Variants in SUCLG2 observed in about 807,000 individuals in gnomAD.
The protein encoded by SUCLG2 is succinate--CoA ligase [GDP-forming] subunit beta, mitochondrial.
Under a neutral mutation model 47.9 loss-of-function variants are expected in SUCLG2, and 42 were observed. The observed-to-expected ratio is 0.88, with a 90% CI of 0.69 to 1.14. SUCLG2 has a LOEUF of 1.14. Among genes scored for constraint, SUCLG2 ranks in the 50% most tolerant of loss-of-function variants. SUCLG2 has a pLI of 0.00. For missense variants in SUCLG2, 571 were observed against 525.9 expected, an observed-to-expected ratio of 1.09 and a Z score of -0.84; for synonymous variants, 195 against 197.3, an observed-to-expected ratio of 0.99 and a Z score of 0.10.
At chr3:67,546,608 G>A (rs1428123873) in intron 2 of SUCLG2, among the ~76,000 whole-genome samples, 5 of 152,154 alleles carry the variant, frequency 3.3e-5, no homozygotes, top group African/African-American at 9.7e-5. Flanking sequence ...GGTAGCACAC[G>A]CCTATAATCC....
At chr3:67,503,432 C>T (rs921134123) in intron 7 of SUCLG2, among the ~76,000 whole-genome samples, 4 of 152,180 alleles carry the variant, frequency 2.6e-5, no homozygotes, top group Admixed American at 6.5e-5. Flanking sequence ...TCCTGTAAGA[C>T]GCTTCTAAAT....
At chr3:67,464,717 T>C (rs7612528) in intron 9 of SUCLG2, among the ~76,000 whole-genome samples, 9,721 of 152,336 alleles carry the variant, frequency 0.064, 519 homozygotes, top group African/African-American at 0.14. Context: ...TATTTGTTTT[T>C]CTCTAAAAGT....
chr3:67,588,138 T>C (rs1019856913), intron 2 of SUCLG2, among the ~76,000 whole-genome samples: 1 of 152,170 alleles, frequency 6.6e-6, no homozygotes, highest in Non-Finnish European at 1.5e-5. Context: ...AATGAAAATA[T>C]CATGCAGCTG....
At chr3:67,361,409 A>G (rs1249755047) in intron 10 of SUCLG2, among the ~76,000 whole-genome samples, 1 of 152,216 alleles carries the variant, frequency 6.6e-6, no homozygotes, top group African/African-American at 2.4e-5. Flanking sequence ...GAAACTGTGA[A>G]TCATGAGCAC....
chr3:67,590,921 T>C (rs1708144020), intron 2 of SUCLG2, among the ~76,000 whole-genome samples: 2 of 152,132 alleles, frequency 1.3e-5, no homozygotes, highest in African/African-American at 4.8e-5. Context: ...GAGAGAGTTC[T>C]TTAACAAAAA....
chr3:67,595,967 G>C (rs957335615), intron 2 of SUCLG2, among the ~76,000 whole-genome samples: 1 of 152,216 alleles, frequency 6.6e-6, no homozygotes, highest in African/African-American at 2.4e-5. Context: ...TAAGACATCA[G>C]GATGGCAGAT....
chr3:67,541,717 G>T (rs1471759881), intron 2 of SUCLG2, among the ~76,000 whole-genome samples: 1 of 152,178 alleles, frequency 6.6e-6, no homozygotes, highest in African/African-American at 2.4e-5. Context: ...ATAATTGTCA[G>T]ATTCACCAAG....
chr3:67,512,415 A>C lies in SUCLG2; in HGVS notation c.661-3512T>G, dbSNP rs1335820202. ...AATGTGACCTTGCAATGTGAGTTGC[A>C]TGGGGCAGGCATCTTATGTATCCTG... On this transcript the variant is annotated intron_variant, in intron 6 of 10. Transcript: ENST00000307227. 1.3e-5 allele frequency among the ~76,000 whole-genome samples: 2 copies of C among 150,962 alleles called. 1 individual carries two copies. The highest frequency in any genetic ancestry group is 5.0e-5 in the African/African-American group (2 of 40,332).
chr3:67,642,779 T>C (rs1048516694), intron 1 of SUCLG2, among the ~76,000 whole-genome samples: 2 of 152,198 alleles, frequency 1.3e-5, no homozygotes, highest in Non-Finnish European at 2.9e-5. Flanking sequence ...TATTTGTACA[T>C]GTGCTTCATT....
intron 9 of SUCLG2, among the ~76,000 whole-genome samples, chr3:67,458,432 G>C (rs1012224329): frequency 2.0e-5 from 3 of 152,156 alleles, no homozygotes; most frequent in African/African-American, 4.8e-5. Flanking sequence ...TACTGCATGA[G>C]AACAATTCTG....
intron 9 of SUCLG2, among the ~76,000 whole-genome samples, chr3:67,467,720 T>C (rs1343023754): frequency 6.6e-6 from 1 of 152,118 alleles, no homozygotes; most frequent in African/African-American, 2.4e-5. Flanking sequence ...GTAGGAGACG[T>C]ATATGTTTTA....
In SUCLG2 at chr3:67,648,978, G is replaced by T. The variant is rs554573296; in HGVS notation, c.84+5525C>A. On this transcript the variant is annotated intron_variant, in intron 1 of 10. Coordinates refer to ENST00000307227, the MANE Select transcript of SUCLG2 (RefSeq NM_003848.4). ...AAACTTGTAGGAGAGCGGGGAAGAC[G>T]GCCAATGAACAAATAACACTACCAG... 2.6e-5 allele frequency among the ~76,000 whole-genome samples: 4 copies of T among 152,116 alleles called. 1 individual carries two copies. The highest frequency in any genetic ancestry group is 1.3e-4 in the Admixed American group (2 of 15,278).
chr3:67,533,253 G>C (rs1444091825), intron 2 of SUCLG2, among the ~76,000 whole-genome samples: 1 of 152,128 alleles, frequency 6.6e-6, no homozygotes, highest in African/African-American at 2.4e-5. Flanking sequence ...TACTGAGCTG[G>C]TTTTTATTCA....
At chr3:67,390,088 C>A (rs768996773) in intron 10 of SUCLG2, among the ~76,000 whole-genome samples, 6 of 152,206 alleles carry the variant, frequency 3.9e-5, no homozygotes, top group African/African-American at 1.4e-4. Flanking sequence ...GTTTCAGGCA[C>A]GCTGCCACAT....
chr3:67,430,342 G>C (rs1180041581), intron 9 of SUCLG2, among the ~76,000 whole-genome samples: 4 of 152,154 alleles, frequency 2.6e-5, no homozygotes, highest in Non-Finnish European at 4.4e-5. Context: ...ACCTGCTCCT[G>C]AGTGGCTACT....
intron 9 of SUCLG2, among the ~76,000 whole-genome samples, chr3:67,474,732 T>C (rs62256392): frequency 0.54 from 81,528 of 152,010 alleles, 22,936 homozygotes; most frequent in Middle Eastern, 0.64. Context: ...TCCTGGTTAT[T>C]TGCAGTTTTA....
chr3:67,547,729 TA>T (rs1706906106), intron 2 of SUCLG2, among the ~76,000 whole-genome samples: 1 of 152,088 alleles, frequency 6.6e-6, no homozygotes, highest in Non-Finnish European at 1.5e-5. Flanking sequence ...ACGAATCAAC[TA>T]AATTAACACT....
chr3:67,496,100 T>A (rs1705333157), intron 8 of SUCLG2, among the ~76,000 whole-genome samples, 160 bp from the exon 9 acceptor site: 1 of 152,166 alleles, frequency 6.6e-6, no homozygotes, highest in African/African-American at 2.4e-5. Context: ...GTTCATAGAC[T>A]TTTAGGATAA....
At chr3:67,595,289 T>C (rs551977926) in intron 2 of SUCLG2, among the ~76,000 whole-genome samples, 7 of 152,298 alleles carry the variant, frequency 4.6e-5, no homozygotes, top group Admixed American at 2.0e-4. Context: ...ACCTGTGTAA[T>C]GTGAAACACA....
Sources: gnomAD v4.1 joint callset for allele counts (sites outside exome capture counted in the v4.1 genomes callset) on GRCh38, gnomAD v4.1.1 for gene constraint, MANE v1.5 for transcripts, NCBI Gene and HGNC (gene_info 2026-07-23, HGNC 2026-07-21) for gene names.